The following MAML3 variants were observed in gnomAD, a reference collection of about 807,000 sequenced individuals.
The protein encoded by MAML3 is mastermind-like protein 3.
A neutral mutation model predicts 101.9 loss-of-function variants in MAML3; 27 were observed. The observed-to-expected ratio is 0.27, with a 90% confidence interval of 0.20 to 0.37. The LOEUF is 0.37. Ranked by LOEUF, MAML3 falls within the 10% of genes least tolerant of loss-of-function variation. The probability of loss-of-function intolerance (pLI) is 1.00; values close to 1 mark genes in which losing one functional copy is unlikely to be tolerated. For synonymous variants in MAML3, 501 were observed against 555.9 expected (o/e 0.90, Z 1.39); for missense variants, 1,316 against 1,444.9 (o/e 0.91, Z 1.45).
chr4:139,719,389 G>T lies in MAML3; in HGVS notation c.3351C>A (p.Ser1117=). Residue 1117 remains serine, a synonymous_variant, in exon 5 of 5, where the codon TCC becomes TCA. Coordinates refer to ENST00000509479, the MANE Select transcript of MAML3 (RefSeq NM_018717.5). ...GLPDGADLVD[S]IIKGGPGDEW... ...CGTCCCCTGGCCCGCCTTTGATGATGGAGTCCACAAGGTCTGCACCGTCCG... is the reference window on the plus strand; with the variant it reads ...CGTCCCCTGGCCCGCCTTTGATGATTGAGTCCACAAGGTCTGCACCGTCCG... The T allele has an allele frequency of 6.2e-7, 1 of 1,613,262 alleles. No homozygotes were observed. Among genetic ancestry groups the T allele is most frequent in the Non-Finnish European group, 8.5e-7 (1 of 1,179,424 alleles).
intron 1 of MAML3, among the ~76,000 whole-genome samples, chr4:139,986,126 A>T (rs767563896): frequency 1.3e-4 from 20 of 152,210 alleles, no homozygotes; most frequent in Non-Finnish European, 2.4e-4. Context: ...CATGGCTCTC[A>T]TTGTTTCCTA....
At chr4:140,041,437 A>C (rs1029324172) in intron 1 of MAML3, among the ~76,000 whole-genome samples, 1 of 152,178 alleles carries the variant, frequency 6.6e-6, no homozygotes, top group African/African-American at 2.4e-5. Flanking sequence ...CAGCCTGGCC[A>C]ACATGGCGAA....
chr4:139,925,576 G>A (rs1178798832), intron 1 of MAML3, among the ~76,000 whole-genome samples: 2 of 152,148 alleles, frequency 1.3e-5, no homozygotes, highest in Non-Finnish European at 2.9e-5. Flanking sequence ...AAAAAACAAG[G>A]TGTTGTCCAA....
chr4:140,041,637 T>C (rs567362885), intron 1 of MAML3, among the ~76,000 whole-genome samples: 3 of 150,604 alleles, frequency 2.0e-5, no homozygotes, highest in African/African-American at 7.3e-5. Context: ...AAAAGGGGAG[T>C]GGAAGAGAAG....
intron 1 of MAML3, among the ~76,000 whole-genome samples, chr4:140,044,846 C>G (rs1727152951): frequency 6.6e-6 from 1 of 152,100 alleles, no homozygotes; most frequent in Non-Finnish European, 1.5e-5. Context: ...TTGTGTGCCT[C>G]TTATATCAAA....
chr4:139,846,489 A>C (rs1221625497), intron 2 of MAML3, among the ~76,000 whole-genome samples: 1 of 152,108 alleles, frequency 6.6e-6, no homozygotes, highest in East Asian at 1.9e-4. Flanking sequence ...CTGGGACTAT[A>C]GGCGTGCACC....
chr4:140,068,783 T>C (rs1306383833), intron 1 of MAML3, among the ~76,000 whole-genome samples: 2 of 152,180 alleles, frequency 1.3e-5, no homozygotes, highest in Non-Finnish European at 2.9e-5. Flanking sequence ...TCAATAAATA[T>C]GTGTTGTTTT....
chr4:139,949,708 T>G (rs1733801090), intron 1 of MAML3, among the ~76,000 whole-genome samples: 1 of 152,242 alleles, frequency 6.6e-6, no homozygotes, highest in South Asian at 2.1e-4. Context: ...GATTGTTAAC[T>G]GCTTGACATT....
chr4:140,126,055 C>T (rs767161916), intron 1 of MAML3, among the ~76,000 whole-genome samples: 1 of 151,902 alleles, frequency 6.6e-6, no homozygotes, highest in African/African-American at 2.4e-5. Flanking sequence ...GGATTACAGG[C>T]GTAAGCCACC....
intron 1 of MAML3, among the ~76,000 whole-genome samples, chr4:140,108,185 G>A (rs1728383196): frequency 1.1e-4 from 17 of 151,964 alleles, no homozygotes; most frequent in Admixed American, 1.1e-3. Context: ...CGGCCTCATT[G>A]TTCTATGTCT....
chr4:140,149,930 T>C (rs1460446515), intron 1 of MAML3, among the ~76,000 whole-genome samples: 1 of 107,780 alleles, frequency 9.3e-6, no homozygotes, highest in African/African-American at 3.5e-5. Context: ...TTGTAGAGCA[T>C]GTTTCTTTCT....
intron 1 of MAML3, among the ~76,000 whole-genome samples, chr4:140,032,103 C>T (rs990849266): frequency 5.3e-5 from 8 of 152,196 alleles, no homozygotes. Context: ...TGTCTGTGCA[C>T]ATTTCATTTT....
chr4:140,113,194 G>T (rs1376715247), intron 1 of MAML3, among the ~76,000 whole-genome samples: 1 of 152,112 alleles, frequency 6.6e-6, no homozygotes, highest in Admixed American at 6.5e-5. Flanking sequence ...CAGGGGAATG[G>T]TATGAACCCA....
At position 140,092,848 on chromosome 4, in the gene MAML3, C is replaced by T. The variant is rs557539846; in HGVS notation, c.468+60012G>A. On this transcript the variant is annotated intron_variant, in intron 1 of 4. Transcript: ENST00000509479. ...CACTCCAGTTTTGTGCTGTGCCTGG[C>T]TGTACACTGAGGCAACCAAAAAGAA... Among the ~76,000 whole-genome samples the T allele has an allele frequency of 3.4e-5, 4 of 117,394 alleles. No homozygotes were observed. In the East Asian group the frequency reaches 1.1e-3, roughly 32 times the overall value. 77.0% of individuals were successfully genotyped at this position (117,394 alleles called of 152,430 possible).
chr4:140,100,137 C>T (rs1728231717), intron 1 of MAML3, among the ~76,000 whole-genome samples: 2 of 151,956 alleles, frequency 1.3e-5, no homozygotes, highest in African/African-American at 4.8e-5. Context: ...CTCACTGCCA[C>T]TCCTCCGGGA....
intron 2 of MAML3, among the ~76,000 whole-genome samples, chr4:139,882,556 G>C (rs1440073134): frequency 6.6e-6 from 1 of 152,118 alleles, no homozygotes; most frequent in Non-Finnish European, 1.5e-5. Flanking sequence ...TTTCTAAACT[G>C]TAACTCTATA....
At chr4:140,062,025 T>C (rs1021004009) in intron 1 of MAML3, among the ~76,000 whole-genome samples, 3 of 152,058 alleles carry the variant, frequency 2.0e-5, no homozygotes, top group African/African-American at 7.2e-5. Flanking sequence ...AAACCATAAA[T>C]AGCATTGTCA....
At chr4:139,833,824 C>T (rs1053597811) in intron 2 of MAML3, among the ~76,000 whole-genome samples, 2 of 151,986 alleles carry the variant, frequency 1.3e-5, no homozygotes, top group Admixed American at 6.6e-5. Flanking sequence ...TGGGGGCTCT[C>T]CACCAGCTCT....
chr4:140,081,885 T>C lies in MAML3; in HGVS notation c.468+70975A>G, dbSNP rs559685836. Among the ~76,000 whole-genome samples the C allele has an allele frequency of 2.6e-5, 4 of 152,358 alleles. No homozygotes were observed. The East Asian group carries it at 7.7e-4, about 29-fold the overall frequency. On this transcript the variant is annotated intron_variant, in intron 1 of 4. Transcript: ENST00000509479. Reference sequence around the variant, plus strand: ...TTTTCTATTAGGTTTATTTTCCTGATGTTAAACCCTGTCAACTTTACTGCC... The same window carrying C: ...TTTTCTATTAGGTTTATTTTCCTGACGTTAAACCCTGTCAACTTTACTGCC...
Sources: allele counts gnomAD v4.1 joint callset (sites outside exome capture counted in the v4.1 genomes callset), GRCh38; gene constraint gnomAD v4.1.1; transcripts MANE v1.5; gene names NCBI Gene and HGNC (gene_info 2026-07-23, HGNC 2026-07-21).